TAFA2: variants seen among roughly 807,000 people sequenced by gnomAD.
TAFA2 encodes chemokine-like protein TAFA-2.
TAFA2 carries 7 observed loss-of-function variants against 18.8 expected under a neutral mutation model. The ratio of observed to expected loss-of-function variants is 0.37; its 90% CI spans 0.21 to 0.70. TAFA2 has a LOEUF of 0.70. Ranked by LOEUF, TAFA2 falls within the 30% of genes least tolerant of loss-of-function variation. TAFA2 has a pLI of 0.53. For missense variants in TAFA2, 122 were observed against 158.1 expected, an observed-to-expected ratio of 0.77 and a Z score of 1.23; for synonymous variants, 60 against 54.2, an observed-to-expected ratio of 1.11 and a Z score of -0.47.
At chr12:62,135,609 C>G (rs1459327499) in intron 1 of TAFA2, among the ~76,000 whole-genome samples, 1 of 151,952 alleles carries the variant, frequency 6.6e-6, no homozygotes, top group Non-Finnish European at 1.5e-5. Flanking sequence ...AAATAGATTT[C>G]ACATATGGTA....
chr12:62,190,515 AACC>A (rs1225014051), intron 1 of TAFA2, among the ~76,000 whole-genome samples: 1 of 152,162 alleles, frequency 6.6e-6, no homozygotes, highest in Admixed American at 6.5e-5. Flanking sequence ...AGAAATAAAA[AACC>A]ATTAGTTTCC....
intron 2 of TAFA2, among the ~76,000 whole-genome samples, chr12:61,766,231 T>G (rs1404465916): frequency 6.6e-6 from 1 of 152,102 alleles, no homozygotes; most frequent in Non-Finnish European, 1.5e-5. Context: ...CATTTGTGGC[T>G]CTTCATTTTT....
chr12:61,912,516 T>A (rs1263605913), intron 1 of TAFA2, among the ~76,000 whole-genome samples: 1 of 152,172 alleles, frequency 6.6e-6, no homozygotes, highest in Non-Finnish European at 1.5e-5. Flanking sequence ...AGAATAGAAG[T>A]TAAGTCATAA....
chr12:62,106,343 C>CA (rs1197465979), intron 1 of TAFA2, among the ~76,000 whole-genome samples: 3 of 151,106 alleles, frequency 2.0e-5, no homozygotes, highest in Non-Finnish European at 4.4e-5. Flanking sequence ...CAAAAAAGAA[C>CA]AAAAAACAAA....
chr12:61,818,081 G>T (rs1366696487), intron 2 of TAFA2, among the ~76,000 whole-genome samples: 1 of 152,114 alleles, frequency 6.6e-6, no homozygotes, highest in African/African-American at 2.4e-5. Flanking sequence ...CTCACCGGGA[G>T]AACAGAATCC....
chr12:61,749,040 C>T (rs868374118), intron 4 of TAFA2, among the ~76,000 whole-genome samples: 8 of 150,630 alleles, frequency 5.3e-5, no homozygotes, highest in Admixed American at 1.3e-4. Flanking sequence ...CCAAGGTGGG[C>T]GGATCACTTG....
intron 1 of TAFA2, among the ~76,000 whole-genome samples, chr12:62,204,572 C>T (rs892100129): frequency 1.3e-5 from 2 of 152,064 alleles, no homozygotes; most frequent in Non-Finnish European, 2.9e-5. Flanking sequence ...GTTATTTCCA[C>T]AAGATAGTCT....
chr12:62,204,403 G>T (rs998949378), intron 1 of TAFA2, among the ~76,000 whole-genome samples: 6 of 152,036 alleles, frequency 3.9e-5, no homozygotes, highest in Non-Finnish European at 8.8e-5. Context: ...AGTTGGGAAT[G>T]TTCTCCTGGA....
intron 1 of TAFA2, among the ~76,000 whole-genome samples, chr12:62,029,417 TAAC>T (rs1453687162): frequency 2.0e-5 from 3 of 152,140 alleles, no homozygotes; most frequent in Non-Finnish European, 4.4e-5. Context: ...TCTGAAAAGT[TAAC>T]AAACTCATCT....
intron 1 of TAFA2, among the ~76,000 whole-genome samples, chr12:61,947,148 TC>T (rs1171691789): frequency 1.1e-4 from 16 of 142,020 alleles, no homozygotes; most frequent in Non-Finnish European, 2.4e-4. Flanking sequence ...TGAGTTCATG[TC>T]CTTTGTAGGG....
chr12:62,147,330 A>ATATATATATATATGTG lies in TAFA2; in HGVS notation c.-2+43928_-2+43929insCACATATATATATATA, dbSNP rs1565760158. 4.4e-3 allele frequency among the ~76,000 whole-genome samples: 92 copies of ATATATATATATATGTG among 20,854 alleles called. 1 individual carries two copies. The highest frequency in any genetic ancestry group is 7.0e-3 in the Non-Finnish European group (75 of 10,650). 13.7% of individuals were successfully genotyped at this position (20,854 alleles called of 152,430 possible). On this transcript the variant is annotated intron_variant, in intron 1 of 4. Transcript: ENST00000416284. ...TGTGTGTGTGTGTGTATGTATGTATATATATATATATATATATATATATAT... is the reference window on the plus strand; with the variant it reads ...TGTGTGTGTGTGTGTATGTATGTATATATATATATATATGTGTATATATATATATATATATATATAT...
chr12:61,976,039 A>G (rs1298826959), intron 1 of TAFA2, among the ~76,000 whole-genome samples: 1 of 151,816 alleles, frequency 6.6e-6, no homozygotes, highest in Non-Finnish European at 1.5e-5. Context: ...TCATACCTCA[A>G]TAAAGCTGGA....
At chr12:61,852,132 A>T (rs1414614116) in intron 2 of TAFA2, among the ~76,000 whole-genome samples, 2 of 151,304 alleles carry the variant, frequency 1.3e-5, no homozygotes, top group Non-Finnish European at 2.9e-5. Context: ...GCTTGAACCC[A>T]GAAGCAGAGG....
chr12:61,880,420 C>T, intron 1 of TAFA2: 1 of 539,086 alleles, frequency 1.9e-6, no homozygotes, highest in Non-Finnish European at 3.8e-6. Context: ...CCAAGCAGGA[C>T]ATGGCACAGC....
chr12:62,181,623 C>T (rs1208782157), intron 1 of TAFA2, among the ~76,000 whole-genome samples: 2 of 152,148 alleles, frequency 1.3e-5, no homozygotes, highest in Non-Finnish European at 2.9e-5. Context: ...ATAATTAATA[C>T]ACCAGCATAA....
At chr12:62,242,996 ACCTG>A (rs2062869682) in intron 1 of TAFA2, among the ~76,000 whole-genome samples, 1 of 152,212 alleles carries the variant, frequency 6.6e-6, no homozygotes, top group Admixed American at 6.5e-5. Context: ...TGAGCCATTG[ACCTG>A]AAAATTGGAT....
chr12:61,775,189 C>T (rs1565629726), intron 2 of TAFA2, among the ~76,000 whole-genome samples: 1 of 151,800 alleles, frequency 6.6e-6, no homozygotes. Context: ...AACAAGAACT[C>T]TCATTCATTG....
intron 1 of TAFA2, among the ~76,000 whole-genome samples, chr12:61,923,402 C>A (rs1224831593): frequency 6.6e-6 from 1 of 152,194 alleles, no homozygotes; most frequent in Admixed American, 6.5e-5. Context: ...GAACAGGTAG[C>A]AATCTTTGCT....
intron 2 of TAFA2, among the ~76,000 whole-genome samples, chr12:61,775,484 G>T (rs1255760495): frequency 6.6e-6 from 1 of 151,826 alleles, no homozygotes; most frequent in African/African-American, 2.4e-5. Context: ...GAGCTATCAA[G>T]CCATGAAAAG....
Sources: gnomAD v4.1 joint callset for allele counts (sites outside exome capture counted in the v4.1 genomes callset) on GRCh38, gnomAD v4.1.1 for gene constraint, MANE v1.5 for transcripts, NCBI Gene and HGNC (gene_info 2026-07-23, HGNC 2026-07-21) for gene names.